The following MAN1A1 variants were observed in gnomAD, a reference collection of about 807,000 sequenced individuals.
MAN1A1 encodes the protein mannosyl-oligosaccharide 1,2-alpha-mannosidase IA.
Under a neutral mutation model 70.8 loss-of-function variants are expected in MAN1A1, and 29 were observed. The observed-to-expected ratio is 0.41, with a 90% CI of 0.31 to 0.56. MAN1A1 has a LOEUF of 0.56. Ranked by LOEUF, MAN1A1 falls within the 20% of genes least tolerant of loss-of-function variation. MAN1A1 has a pLI of 0.29. For synonymous variants in MAN1A1, 349 were observed against 330.1 expected (o/e 1.06, Z -0.62); for missense variants, 747 against 841.3 (o/e 0.89, Z 1.39).
chr6:119,273,080 T>C (rs1434479390), intron 5 of MAN1A1, among the ~76,000 whole-genome samples: 2 of 152,164 alleles, frequency 1.3e-5, no homozygotes, highest in Admixed American at 1.3e-4. Context: ...TGAATTCTAG[T>C]ATGAAAAGTT....
At chr6:119,193,941 G>C (rs1281331840) in intron 8 of MAN1A1, 49 bp from the exon 9 acceptor site, 1 of 1,192,856 alleles carries the variant, frequency 8.4e-7, no homozygotes, top group Admixed American at 1.7e-5. Context: ...TTTTAATTCA[G>C]ATAATGCAGC....
rs146877073 is a variant in MAN1A1 at position 119,194,895 on chromosome 6, C to T, written c.1211-1003G>A. 2.8e-3 allele frequency among the ~76,000 whole-genome samples: 419 copies of T among 151,394 alleles called. 4 individuals are homozygous for T. The highest frequency in any genetic ancestry group is 9.4e-3 in the African/African-American group (386 of 41,212). ...GTCACCAGGCTGGAGTGCAATGGTGCGATCTCGGCTCATGGCAACCTCCGC... is the reference window on the plus strand; with the variant it reads ...GTCACCAGGCTGGAGTGCAATGGTGTGATCTCGGCTCATGGCAACCTCCGC... On this transcript the variant is annotated intron_variant, in intron 8 of 12. Coordinates refer to ENST00000368468, the MANE Select transcript of MAN1A1 (RefSeq NM_005907.4).
intron 8 of MAN1A1, among the ~76,000 whole-genome samples, chr6:119,197,084 G>A (rs1370603916): frequency 1.3e-5 from 2 of 152,144 alleles, no homozygotes; most frequent in Non-Finnish European, 1.5e-5. Flanking sequence ...CGGGGAGGGC[G>A]GATCACCTGA....
At chr6:119,251,575 C>A (rs757709015) in intron 5 of MAN1A1, among the ~76,000 whole-genome samples, 9 of 152,184 alleles carry the variant, frequency 5.9e-5, no homozygotes, top group Non-Finnish European at 8.8e-5. Flanking sequence ...TAACTAGTAC[C>A]ATACAATGCA....
chr6:119,282,324 T>C (rs1776244821), intron 5 of MAN1A1, among the ~76,000 whole-genome samples: 1 of 152,194 alleles, frequency 6.6e-6, no homozygotes, highest in South Asian at 2.1e-4. Flanking sequence ...ATAGGGCTTA[T>C]GCAGAGGGAC....
intron 5 of MAN1A1, among the ~76,000 whole-genome samples, chr6:119,275,292 T>G (rs1189685636): frequency 6.9e-5 from 3 of 43,622 alleles, no homozygotes; most frequent in Non-Finnish European, 9.6e-5. Flanking sequence ...TTTTTTTTTT[T>G]TTTTTTTTTT....
chr6:119,328,489 T>C (rs1288987910), intron 2 of MAN1A1, among the ~76,000 whole-genome samples: 1 of 152,212 alleles, frequency 6.6e-6, no homozygotes, highest in Non-Finnish European at 1.5e-5. Flanking sequence ...CCTTTGTGTG[T>C]GCTGCCTTTA....
chr6:119,235,016 C>T (rs71559853), intron 6 of MAN1A1, among the ~76,000 whole-genome samples: 348 of 152,272 alleles, frequency 2.3e-3, no homozygotes, highest in Non-Finnish European at 4.2e-3. Flanking sequence ...CCACCAACCA[C>T]GTCCACATAA....
At chr6:119,232,514 C>G (rs995474972) in intron 6 of MAN1A1, among the ~76,000 whole-genome samples, 4 of 152,016 alleles carry the variant, frequency 2.6e-5, no homozygotes, top group African/African-American at 9.7e-5. Flanking sequence ...ATCTTCCCTG[C>G]CTTTGCCCTG....
chr6:119,349,359 G>A, intron 1 of MAN1A1, 72 bp from the exon 2 acceptor site: 2 of 1,064,214 alleles, frequency 1.9e-6, no homozygotes, highest in African/African-American at 1.7e-5. Context: ...TCCGCCCTCC[G>A]ACTCCTGGCG....
At chr6:119,279,513 A>T (rs1188806195) in intron 5 of MAN1A1, among the ~76,000 whole-genome samples, 1 of 152,242 alleles carries the variant, frequency 6.6e-6, no homozygotes, top group African/African-American at 2.4e-5. Context: ...CAGCCTAGAC[A>T]CTGTCCAGAA....
intron 5 of MAN1A1, among the ~76,000 whole-genome samples, chr6:119,270,963 C>T (rs6941514): frequency 0.041 from 6,290 of 152,302 alleles, 149 homozygotes; most frequent in African/African-American, 0.054. Context: ...TTCTCTACTT[C>T]TTAGCATCTT....
chr6:119,275,631 G>A (rs1008140406), intron 5 of MAN1A1, among the ~76,000 whole-genome samples: 2 of 149,710 alleles, frequency 1.3e-5, no homozygotes, highest in Non-Finnish European at 3.0e-5. Flanking sequence ...TAGTAGAGAC[G>A]GGGTTTCACC....
chr6:119,228,707 T>C (rs539242885), intron 6 of MAN1A1, among the ~76,000 whole-genome samples: 85 of 152,176 alleles, frequency 5.6e-4, no homozygotes, highest in Non-Finnish European at 9.7e-4. Context: ...ATGTTAGAAT[T>C]TTTCTAAATA....
intron 8 of MAN1A1, among the ~76,000 whole-genome samples, chr6:119,196,144 G>C (rs1188801754): frequency 6.6e-6 from 1 of 152,164 alleles, no homozygotes; most frequent in Non-Finnish European, 1.5e-5. Flanking sequence ...GCCAGAAGCA[G>C]CTTGATGTTT....
intron 6 of MAN1A1, among the ~76,000 whole-genome samples, chr6:119,244,319 C>T (rs944198707): frequency 6.6e-6 from 1 of 152,010 alleles, no homozygotes; most frequent in Admixed American, 6.6e-5. Flanking sequence ...CTACCAAAAC[C>T]TAATATTAGA....
intron 5 of MAN1A1, among the ~76,000 whole-genome samples, chr6:119,259,030 C>G (rs1286321747): frequency 1.3e-5 from 2 of 152,116 alleles, no homozygotes; most frequent in East Asian, 1.9e-4. Flanking sequence ...TTATTCTTGG[C>G]TATAAGATAG....
intron 6 of MAN1A1, among the ~76,000 whole-genome samples, chr6:119,237,294 A>T (rs1410184627): frequency 2.0e-5 from 3 of 152,198 alleles, no homozygotes; most frequent in Non-Finnish European, 4.4e-5. Context: ...ATGCCATAAA[A>T]GAGTATCACA....
Position 119,212,263 on chromosome 6 carries a change from C to A in MAN1A1, c.993-7381G>T, listed in dbSNP as rs566979541. On this transcript the variant is annotated intron_variant, in intron 6 of 12. Transcript: ENST00000368468. ...CCCATGAAAGCTACAAGTCTGGCAC[C>A]ATTAGTCTCAGGGCCCAGCTGAATT... 2.0e-5 allele frequency among the ~76,000 whole-genome samples: 3 copies of A among 152,050 alleles called. No homozygotes were observed. The East Asian group carries it at 5.8e-4, about 29-fold the overall frequency.
Sources: gnomAD v4.1 joint callset for allele counts (sites outside exome capture counted in the v4.1 genomes callset) on GRCh38, gnomAD v4.1.1 for gene constraint, MANE v1.5 for transcripts, NCBI Gene and HGNC (gene_info 2026-07-23, HGNC 2026-07-21) for gene names.